RBMS3: variants seen among roughly 807,000 people sequenced by gnomAD.
RBMS3 encodes RNA-binding motif, single-stranded-interacting protein 3.
RBMS3 carries 27 observed loss-of-function variants against 66.8 expected under a neutral mutation model. The ratio of observed to expected loss-of-function variants is 0.40; its 90% CI spans 0.30 to 0.56. The LOEUF (loss-of-function observed/expected upper bound fraction) is 0.56. Among genes scored for constraint, RBMS3 ranks in the 20% least tolerant of loss-of-function variants. The pLI is 0.40. For missense variants in RBMS3, 513 were observed against 549.5 expected (o/e 0.93, Z 0.66); for synonymous variants, 188 against 183.0 (o/e 1.03, Z -0.22).
At chr3:29,571,732 G>T (rs114408562) in intron 3 of RBMS3, among the ~76,000 whole-genome samples, 1,790 of 152,130 alleles carry the variant, frequency 0.012, 38 homozygotes, top group African/African-American at 0.041. Context: ...AGTTCTTTTT[G>T]CTTAGAATAG....
chr3:29,923,811 C>T (rs1177374704), intron 10 of RBMS3, among the ~76,000 whole-genome samples: 1 of 152,082 alleles, frequency 6.6e-6, no homozygotes, highest in Non-Finnish European at 1.5e-5. Context: ...ACCAAGGCCA[C>T]ATAATGATAA....
At chr3:29,339,488 T>C (rs2036155049) in intron 1 of RBMS3, among the ~76,000 whole-genome samples, 1 of 152,122 alleles carries the variant, frequency 6.6e-6, no homozygotes, top group Non-Finnish European at 1.5e-5. Flanking sequence ...TCATTAATCA[T>C]GATTATTAAG....
At chr3:29,561,509 G>T (rs2046554333) in intron 3 of RBMS3, among the ~76,000 whole-genome samples, 1 of 152,126 alleles carries the variant, frequency 6.6e-6, no homozygotes, top group African/African-American at 2.4e-5. Flanking sequence ...CTGGAGTGCA[G>T]TGGCACAATC....
At chr3:29,557,893 G>A (rs2046416433) in intron 3 of RBMS3, among the ~76,000 whole-genome samples, 1 of 152,140 alleles carries the variant, frequency 6.6e-6, no homozygotes, top group African/African-American at 2.4e-5. Flanking sequence ...ATTTATAACA[G>A]GAACCAGAGA....
chr3:29,833,019 T>C (rs1187038611), intron 6 of RBMS3, among the ~76,000 whole-genome samples: 2 of 151,284 alleles, frequency 1.3e-5, no homozygotes, highest in Non-Finnish European at 3.0e-5. Flanking sequence ...AAATGGGAGG[T>C]TCTCAGAACC....
intron 4 of RBMS3, among the ~76,000 whole-genome samples, chr3:29,722,676 A>T (rs1267367538): frequency 6.6e-6 from 1 of 152,036 alleles, no homozygotes; most frequent in African/African-American, 2.4e-5. Flanking sequence ...ACATTTTTGA[A>T]GATTATAGGC....
chr3:29,472,781 A>G (rs1024201270), intron 2 of RBMS3, among the ~76,000 whole-genome samples: 1 of 152,188 alleles, frequency 6.6e-6, no homozygotes, highest in East Asian at 1.9e-4. Flanking sequence ...GGCAGTGTGG[A>G]CCCAAAGAGT....
intron 2 of RBMS3, among the ~76,000 whole-genome samples, chr3:29,469,398 GTTAATAACAGCAATGT>G (rs992347992): frequency 6.6e-6 from 1 of 151,974 alleles, no homozygotes; most frequent in East Asian, 1.9e-4. Context: ...ATATGAGAAT[GTTAATAACAGCAATGT>G]TTATAAGGAC....
chr3:29,749,138 G>A (rs1041982777), intron 5 of RBMS3, among the ~76,000 whole-genome samples: 4 of 152,128 alleles, frequency 2.6e-5, no homozygotes, highest in African/African-American at 4.8e-5. Context: ...AATGAAAAAG[G>A]AAACCTGTTC....
At chr3:29,723,520 TCAGA>T (rs1184114971) in intron 4 of RBMS3, among the ~76,000 whole-genome samples, 2 of 152,240 alleles carry the variant, frequency 1.3e-5, no homozygotes, top group East Asian at 1.9e-4. Flanking sequence ...ATACAGATGC[TCAGA>T]CAGTTTAAAT....
chr3:29,777,083 C>G (rs1442363325), intron 6 of RBMS3, among the ~76,000 whole-genome samples: 2 of 151,876 alleles, frequency 1.3e-5, no homozygotes, highest in Non-Finnish European at 2.9e-5. Flanking sequence ...CATTGCACCT[C>G]TAGTTCCCAG....
At chr3:29,597,527 A>G (rs543947501) in intron 4 of RBMS3, among the ~76,000 whole-genome samples, 1 of 152,294 alleles carries the variant, frequency 6.6e-6, no homozygotes. Context: ...CGTGTCCAGG[A>G]CACACTTTTT....
At chr3:29,636,214 C>T (rs1191698198) in intron 4 of RBMS3, among the ~76,000 whole-genome samples, 1 of 151,792 alleles carries the variant, frequency 6.6e-6, no homozygotes, top group Non-Finnish European at 1.5e-5. Flanking sequence ...ACTATACTCA[C>T]TTGTGTTTAT....
intron 4 of RBMS3, among the ~76,000 whole-genome samples, chr3:29,592,242 T>C (rs1472763910): frequency 1.3e-5 from 2 of 151,742 alleles, no homozygotes; most frequent in Non-Finnish European, 2.9e-5. Flanking sequence ...ATCACCACAG[T>C]GAAGCCATAT....
At chr3:29,349,381 G>T (rs62241727) in intron 1 of RBMS3, among the ~76,000 whole-genome samples, 36,439 of 152,038 alleles carry the variant, frequency 0.24, 4,932 homozygotes, top group Non-Finnish European at 0.3. Flanking sequence ...CAATACAGCT[G>T]CACCTTTCTA....
At chr3:29,566,482 T>C (rs1187022025) in intron 3 of RBMS3, among the ~76,000 whole-genome samples, 1 of 152,168 alleles carries the variant, frequency 6.6e-6, no homozygotes, top group African/African-American at 2.4e-5. Flanking sequence ...TTCTACATGA[T>C]ACCTTCCCCA....
chr3:29,612,401 C>A (rs1167372532), intron 4 of RBMS3, among the ~76,000 whole-genome samples: 2 of 151,720 alleles, frequency 1.3e-5, no homozygotes, highest in East Asian at 3.9e-4. Context: ...TAATTATGAG[C>A]CCTGTATTAA....
intron 1 of RBMS3, among the ~76,000 whole-genome samples, chr3:29,369,277 T>C (rs751187022): frequency 7.6e-4 from 115 of 152,180 alleles, no homozygotes; most frequent in Admixed American, 9.8e-4. Context: ...AGTTTACCTA[T>C]ATAATGAATC....
At chr3:29,759,743 T>G (rs2055581897) in intron 5 of RBMS3, among the ~76,000 whole-genome samples, 1 of 152,084 alleles carries the variant, frequency 6.6e-6, no homozygotes, top group Non-Finnish European at 1.5e-5. Context: ...GGTCTCAGTC[T>G]CACTTTTGTT....
Sources: allele counts gnomAD v4.1 joint callset (sites outside exome capture counted in the v4.1 genomes callset), GRCh38; gene constraint gnomAD v4.1.1; transcripts MANE v1.5; gene names NCBI Gene and HGNC (gene_info 2026-07-23, HGNC 2026-07-21).